CDH12: variants seen among roughly 807,000 people sequenced by gnomAD.
CDH12 encodes the protein cadherin-12.
Under a neutral mutation model 74.1 loss-of-function variants are expected in CDH12, and 41 were observed. That is an observed-to-expected ratio of 0.55 (90% CI 0.43 to 0.72). The LOEUF is 0.72. CDH12 is among the 30% of genes least tolerant of loss of function. The pLI is 0.00. For missense variants in CDH12, 945 were observed against 977.2 expected (o/e 0.97, Z 0.44); for synonymous variants, 399 against 355.0 (o/e 1.12, Z -1.39).
chr5:21,880,467 T>TTTCCTTCCTTCCTTCCTTCC lies in CDH12; in HGVS notation c.527-25697_527-25678dup, dbSNP rs1207307885. Among the ~76,000 whole-genome samples, 245 of 84,874 alleles carry TTTCCTTCCTTCCTTCCTTCC rather than the reference T, an allele frequency of 2.9e-3. 14 individuals carry two copies. The highest frequency in any genetic ancestry group is 7.3e-3 in the African/African-American group (159 of 21,900). 55.7% of individuals were successfully genotyped at this position (84,874 alleles called of 152,430 possible). A position where few individuals can be genotyped will look rare whatever the true frequency, so the allele number is the denominator to read the frequency against. On this transcript the variant is annotated intron_variant, in intron 6 of 14. Coordinates refer to ENST00000382254, the MANE Select transcript of CDH12 (RefSeq NM_004061.5). ...CCTTCTTTCCTTCCTTCCTTCCTTCTTTCCTTCCTTCCTTCCTTCCTTCCT... is the reference window on the plus strand; with the variant it reads ...CCTTCTTTCCTTCCTTCCTTCCTTCTTTCCTTCCTTCCTTCCTTCCTTCCTTCCTTCCTTCCTTCCTTCCT...
chr5:21,810,093 G>A (rs1747665717), intron 9 of CDH12, among the ~76,000 whole-genome samples: 1 of 152,102 alleles, frequency 6.6e-6, no homozygotes, highest in Admixed American at 6.6e-5. Context: ...TTGGAATGTA[G>A]CTTGTGCATA....
chr5:22,038,933 G>T (rs533587869), intron 5 of CDH12, among the ~76,000 whole-genome samples: 48 of 152,218 alleles, frequency 3.2e-4, no homozygotes, highest in Admixed American at 1.5e-3. Context: ...AGCTGCACTG[G>T]CTTCCTAGAC....
chr5:22,707,805 T>A (rs923644648), intron 1 of CDH12, among the ~76,000 whole-genome samples: 1 of 152,144 alleles, frequency 6.6e-6, no homozygotes, highest in African/African-American at 2.4e-5. Context: ...GCTAAAACTT[T>A]TTTTTTCTAA....
intron 2 of CDH12, among the ~76,000 whole-genome samples, chr5:22,479,719 C>A (rs1303819488): frequency 6.6e-6 from 1 of 152,122 alleles, no homozygotes; most frequent in Admixed American, 6.5e-5. Context: ...AGTCACATTT[C>A]AATAAAAGTT....
At chr5:22,089,341 G>T (rs534738845) in intron 4 of CDH12, among the ~76,000 whole-genome samples, 2 of 151,580 alleles carry the variant, frequency 1.3e-5, no homozygotes, top group Non-Finnish European at 2.9e-5. Flanking sequence ...CAGAAAAATG[G>T]GATCCACACA....
intron 3 of CDH12, among the ~76,000 whole-genome samples, chr5:22,392,224 C>A (rs1478781206): frequency 6.6e-6 from 1 of 152,152 alleles, no homozygotes; most frequent in Non-Finnish European, 1.5e-5. Context: ...GCCTGACAGA[C>A]GGTGCCTTCT....
At chr5:22,505,239 C>T (rs1332163721) in intron 2 of CDH12, 31 bp downstream of exon 2, 1 of 721,038 alleles carries the variant, frequency 1.4e-6, no homozygotes, top group African/African-American at 1.9e-5. Context: ...AAGGTAAAAG[C>T]ATATATCTTG....
At chr5:22,012,267 G>T (rs895211065) in intron 5 of CDH12, among the ~76,000 whole-genome samples, 2 of 145,512 alleles carry the variant, frequency 1.4e-5, no homozygotes, top group African/African-American at 5.1e-5. Flanking sequence ...AAGAAAAAAT[G>T]TTTTTAACTT....
intron 13 of CDH12, among the ~76,000 whole-genome samples, chr5:21,758,751 G>C (rs1054005966): frequency 2.0e-5 from 3 of 152,042 alleles, no homozygotes; most frequent in African/African-American, 7.2e-5. Context: ...AGTGGTAGTA[G>C]AAGAATAAGT....
chr5:22,437,808 G>T (rs1174015092), intron 2 of CDH12, among the ~76,000 whole-genome samples: 1 of 151,704 alleles, frequency 6.6e-6, no homozygotes, highest in African/African-American at 2.4e-5. Flanking sequence ...TTAACCCAAG[G>T]TACTAGTATA....
chr5:21,760,521 C>A (rs1191955621), intron 13 of CDH12, 37 bp downstream of exon 13: 4 of 981,136 alleles, frequency 4.1e-6, no homozygotes, highest in African/African-American at 3.2e-5. Flanking sequence ...TACAAAGATA[C>A]ATGATAAGAG....
intron 4 of CDH12, among the ~76,000 whole-genome samples, chr5:22,158,864 A>G (rs1748171860): frequency 1.3e-5 from 2 of 152,138 alleles, no homozygotes; most frequent in Non-Finnish European, 2.9e-5. Flanking sequence ...TACTAGTGCT[A>G]CATACAAATA....
At chr5:22,797,206 A>T (rs1250778699) in intron 1 of CDH12, among the ~76,000 whole-genome samples, 1 of 148,232 alleles carries the variant, frequency 6.7e-6, no homozygotes, top group Non-Finnish European at 1.5e-5. Context: ...AAAAAAAAAA[A>T]GATCCAGAGA....
chr5:22,334,459 C>G (rs1434632205), intron 3 of CDH12, among the ~76,000 whole-genome samples: 1 of 151,930 alleles, frequency 6.6e-6, no homozygotes, highest in Non-Finnish European at 1.5e-5. Context: ...CAATGCAATC[C>G]CTATGAAAAT....
intron 1 of CDH12, among the ~76,000 whole-genome samples, chr5:22,739,633 G>C (rs1744919273): frequency 6.6e-6 from 1 of 151,986 alleles, no homozygotes; most frequent in East Asian, 1.9e-4. Flanking sequence ...ATTGGCTATA[G>C]GTACTATGCT....
At chr5:22,837,228 G>A (rs1217860203) in intron 1 of CDH12, among the ~76,000 whole-genome samples, 1 of 151,988 alleles carries the variant, frequency 6.6e-6, no homozygotes, top group Non-Finnish European at 1.5e-5. Flanking sequence ...AGACCAGACT[G>A]GGCAACACAG....
chr5:21,880,693 C>CTTTCTTTTTT (rs1752304739), intron 6 of CDH12, among the ~76,000 whole-genome samples: 1 of 103,512 alleles, frequency 9.7e-6, no homozygotes, highest in African/African-American at 3.9e-5. Flanking sequence ...CTTTCTTTCT[C>CTTTCTTTTTT]TTTTCTCCTT....
chr5:22,474,129 G>A (rs956498158), intron 2 of CDH12, among the ~76,000 whole-genome samples: 1 of 152,098 alleles, frequency 6.6e-6, no homozygotes, highest in African/African-American at 2.4e-5. Flanking sequence ...TACTGCAGAG[G>A]ATTACTTATT....
intron 3 of CDH12, among the ~76,000 whole-genome samples, chr5:22,373,181 C>T (rs1741370916): frequency 6.6e-6 from 1 of 152,170 alleles, no homozygotes; most frequent in East Asian, 1.9e-4. Flanking sequence ...ATCCTCCAGC[C>T]CAGTCCACCT....
Sources: gnomAD v4.1 joint callset for allele counts (sites outside exome capture counted in the v4.1 genomes callset) on GRCh38, gnomAD v4.1.1 for gene constraint, MANE v1.5 for transcripts, NCBI Gene and HGNC (gene_info 2026-07-23, HGNC 2026-07-21) for gene names.